Variants in AFAP1 observed in about 807,000 individuals in gnomAD.
AFAP1 encodes actin filament-associated protein 1.
Under a neutral mutation model 93.9 loss-of-function variants are expected in AFAP1, and 75 were observed. The observed-to-expected ratio is 0.80, with a 90% CI of 0.66 to 0.97. The LOEUF (loss-of-function observed/expected upper bound fraction) is 0.97, where lower values mean the gene tolerates loss of function less well. AFAP1 is among the 50% of genes least tolerant of loss of function. AFAP1 has a pLI of 0.00. For synonymous variants in AFAP1, 517 were observed against 430.7 expected (o/e 1.20, Z -2.48); for missense variants, 1,201 against 1,050.8 (o/e 1.14, Z -1.98).
At chr4:7,801,377 C>T (rs916707478) in intron 9 of AFAP1, among the ~76,000 whole-genome samples, 2 of 151,850 alleles carry the variant, frequency 1.3e-5, no homozygotes, top group African/African-American at 4.8e-5. Flanking sequence ...ACAACATCTT[C>T]AGTATATCAC....
chr4:7,889,363 A>G (rs1458839349), intron 1 of AFAP1, among the ~76,000 whole-genome samples: 3 of 151,902 alleles, frequency 2.0e-5, no homozygotes, highest in African/African-American at 7.2e-5. Context: ...CCTGGCTAAC[A>G]TGGTGAAACC....
intron 1 of AFAP1, among the ~76,000 whole-genome samples, chr4:7,906,018 G>A (rs1274230814): frequency 6.6e-6 from 1 of 152,220 alleles, no homozygotes; most frequent in East Asian, 1.9e-4. Flanking sequence ...CATGTGGGAG[G>A]AGGGAGAGAG....
chr4:7,867,834 CTT>C (rs1325086031), intron 3 of AFAP1, among the ~76,000 whole-genome samples: 1 of 152,126 alleles, frequency 6.6e-6, no homozygotes, highest in African/African-American at 2.4e-5. Context: ...CTCCAAGACT[CTT>C]GAGCACTGTG....
At position 7,823,914 on chromosome 4, in the gene AFAP1, G is replaced by A. The variant is rs116747526; in HGVS notation, c.727-4743C>T. Among the ~76,000 whole-genome samples, 1,361 of 152,290 alleles carry A rather than the reference G, an allele frequency of 8.9e-3. 16 individuals carry two copies. Among genetic ancestry groups the A allele is most frequent in the African/African-American group, 0.023 (950 of 41,560 alleles). Reference sequence around the variant, plus strand: ...GCTTCGTGGGACTCTCTTCCCCCAGGCATAATAACTATGTCCAAGGTACGA... The same window carrying A: ...GCTTCGTGGGACTCTCTTCCCCCAGACATAATAACTATGTCCAAGGTACGA... On this transcript the variant is annotated intron_variant, in intron 6 of 17. Coordinates refer to ENST00000420658, the MANE Select transcript of AFAP1 (RefSeq NM_001134647.2).
At chr4:7,917,160 C>A (rs956968963) in intron 1 of AFAP1, among the ~76,000 whole-genome samples, 1 of 152,130 alleles carries the variant, frequency 6.6e-6, no homozygotes, top group Non-Finnish European at 1.5e-5. Flanking sequence ...GCCCGCCTGG[C>A]GCACAGACCC....
intron 6 of AFAP1, among the ~76,000 whole-genome samples, chr4:7,826,007 T>C (rs1346402998): frequency 6.7e-6 from 1 of 149,254 alleles, no homozygotes; most frequent in Non-Finnish European, 1.5e-5. Context: ...GCAATGAAGA[T>C]GCAAAAAACC....
rs1714144541 is a variant in AFAP1 at position 7,763,800 on chromosome 4, A to C, written c.2419-9T>G. On this transcript the variant is annotated splice_polypyrimidine_tract_variant and intron_variant, in intron 17 of 17. Coordinates refer to ENST00000420658, the MANE Select transcript of AFAP1 (RefSeq NM_001134647.2). Reference sequence around the variant, plus strand: ...TTCTTCAATTCCCATTCCTAGAGGAAAGGAGAGTCTTGTAAGTGGACAGGG... The same window carrying C: ...TTCTTCAATTCCCATTCCTAGAGGACAGGAGAGTCTTGTAAGTGGACAGGG... 1 of 1,551,468 alleles carries C rather than the reference A, an allele frequency of 6.4e-7. No homozygotes were observed. The highest frequency in any genetic ancestry group is 1.4e-5 in the African/African-American group (1 of 73,028).
intron 1 of AFAP1, among the ~76,000 whole-genome samples, chr4:7,921,953 T>C (rs549584214): frequency 1.2e-4 from 18 of 152,200 alleles, no homozygotes; most frequent in African/African-American, 4.1e-4. Flanking sequence ...TGAAACCCCG[T>C]CTCTACTAAA....
intron 8 of AFAP1, 53 bp from the exon 9 acceptor site, chr4:7,809,816 GAA>G (rs573022095): frequency 7.0e-7 from 1 of 1,423,086 alleles, no homozygotes; most frequent in Middle Eastern, 1.9e-4. Context: ...GATATTAATT[GAA>G]AAAAAAAACA....
chr4:7,764,260 G>A (rs1219330478), intron 17 of AFAP1, among the ~76,000 whole-genome samples: 1 of 152,232 alleles, frequency 6.6e-6, no homozygotes, highest in East Asian at 1.9e-4. Context: ...CAGAAAGTGG[G>A]CTGGGTGCAG....
chr4:7,913,895 T>A (rs1719912968), intron 1 of AFAP1, among the ~76,000 whole-genome samples: 1 of 152,194 alleles, frequency 6.6e-6, no homozygotes, highest in Non-Finnish European at 1.5e-5. Context: ...AATTGACACA[T>A]AATTGTATAC....
intron 13 of AFAP1, among the ~76,000 whole-genome samples, chr4:7,780,856 T>A (rs1177266621): frequency 1.3e-5 from 2 of 152,120 alleles, no homozygotes; most frequent in Non-Finnish European, 2.9e-5. Context: ...GAATAATCTA[T>A]TTCATGTTTA....
intron 3 of AFAP1, among the ~76,000 whole-genome samples, chr4:7,864,415 G>C (rs927970334): frequency 2.0e-5 from 3 of 152,138 alleles, no homozygotes; most frequent in African/African-American, 7.2e-5. Context: ...CGGCCAACTA[G>C]CCCAAAGCCA....
At chr4:7,859,373 C>A (rs1418407688) in intron 3 of AFAP1, among the ~76,000 whole-genome samples, 1 of 152,022 alleles carries the variant, frequency 6.6e-6, no homozygotes. Flanking sequence ...GAGCCAAGAT[C>A]GCCACACTGC....
chr4:7,873,665 C>T (rs1018198747), intron 1 of AFAP1, among the ~76,000 whole-genome samples: 1 of 151,974 alleles, frequency 6.6e-6, no homozygotes, highest in African/African-American at 2.4e-5. Flanking sequence ...ACCTTTTTAA[C>T]GTATCATTGA....
chr4:7,903,314 G>A (rs1033693363), intron 1 of AFAP1, among the ~76,000 whole-genome samples: 1 of 152,218 alleles, frequency 6.6e-6, no homozygotes, highest in Non-Finnish European at 1.5e-5. Context: ...TGCTGTAGAA[G>A]AAAATACACC....
intron 1 of AFAP1, among the ~76,000 whole-genome samples, chr4:7,920,022 C>T (rs1009566836): frequency 1.4e-4 from 22 of 152,172 alleles, no homozygotes; most frequent in African/African-American, 4.8e-4. Context: ...GTATGTACCA[C>T]ATTTTCTTTA....
intron 3 of AFAP1, among the ~76,000 whole-genome samples, chr4:7,860,929 GCTCGC>G (rs144100548): frequency 6.6e-6 from 1 of 152,126 alleles, no homozygotes. Context: ...CGCCTGCCTC[GCTCGC>G]CTCGCCTCGT....
At chr4:7,778,613 T>A in intron 14 of AFAP1, 149 bp downstream of exon 14, 1 of 776,236 alleles carries the variant, frequency 1.3e-6, no homozygotes, top group South Asian at 1.5e-5. Context: ...TGTCCTTCTA[T>A]GTGGCTGATG....
Sources: allele counts gnomAD v4.1 joint callset (sites outside exome capture counted in the v4.1 genomes callset), GRCh38; gene constraint gnomAD v4.1.1; transcripts MANE v1.5; gene names NCBI Gene and HGNC (gene_info 2026-07-23, HGNC 2026-07-21).